SLC39A10: variants seen among roughly 807,000 people sequenced by gnomAD.
The protein encoded by SLC39A10 is solute carrier family 39 member 10.
SLC39A10 carries 13 observed loss-of-function variants against 65.1 expected under a neutral mutation model. The observed-to-expected ratio is 0.20, with a 90% CI of 0.13 to 0.32. SLC39A10 has a LOEUF of 0.32. SLC39A10 is among the 10% of genes least tolerant of loss of function. The pLI is 1.00. For synonymous variants in SLC39A10, 321 were observed against 342.2 expected, an observed-to-expected ratio of 0.94 and a Z score of 0.68; for missense variants, 831 against 1,018.4, an observed-to-expected ratio of 0.82 and a Z score of 2.50.
At chr2:195,625,540 G>C (rs1039176780) in intron 2 of SLC39A10, among the ~76,000 whole-genome samples, 3 of 151,992 alleles carry the variant, frequency 2.0e-5, no homozygotes, top group Admixed American at 6.6e-5. Context: ...GCCTCCCAAA[G>C]TGCTAGGATT....
rs5837477 is a variant in SLC39A10, at chr2:195,737,603, G to GTT, written c.*2573_*2574dup. On this transcript the variant is annotated 3_prime_UTR_variant, in exon 10 of 10. Transcript: ENST00000359634. ...AAAAAGCTGGAAAATATCAAATGCT[G>GTT]TTTTTTTTTTTTCATTGTCAACAGT... 0.023 allele frequency: 3,867 copies of GTT among 167,982 alleles called. 62 individuals are homozygous for GTT. Among genetic ancestry groups the GTT allele is most frequent in the Middle Eastern group, 0.045 (15 of 336 alleles). The allele number at this position is 167,982 out of a possible 1,614,324, so 10.4% of individuals were successfully genotyped here. A position where few individuals can be genotyped will look rare whatever the true frequency, so the allele number is the denominator to read the frequency against.
rs145580867 is a variant in SLC39A10, at chr2:195,663,220, C to T, written c.-12+5939C>T. Among the ~76,000 whole-genome samples, 34 of 152,256 alleles carry T rather than the reference C, an allele frequency of 2.2e-4. No individual in the cohort carries two copies. In the East Asian group the frequency reaches 4.8e-3, roughly 22 times the overall value. ...ATGTCTTCTTTCCCTTCCCCTTTCCCTCCTATCTTCTCACTCCCCTCATAA... is the reference window on the plus strand; with the variant it reads ...ATGTCTTCTTTCCCTTCCCCTTTCCTTCCTATCTTCTCACTCCCCTCATAA... On this transcript the variant is annotated intron_variant, in intron 1 of 9. Transcript: ENST00000359634.
At chr2:195,678,562 GTTT>G (rs61430237) in intron 1 of SLC39A10, among the ~76,000 whole-genome samples, 1 of 128,030 alleles carries the variant, frequency 7.8e-6, no homozygotes, top group Non-Finnish European at 1.7e-5. Context: ...TTTTAGTTAG[GTTT>G]TTTTTTTTTT....
rs13431941 is a variant in SLC39A10, at chr2:195,701,421, C to T, written c.1217-5195C>T. ...TCTGCCATTAGGTCTTTTTCAGGGA[C>T]AGTTTCTGTGATTCTTTTTTTTTTT... On this transcript the variant is annotated intron_variant, in intron 3 of 9. Coordinates refer to ENST00000359634, the MANE Select transcript of SLC39A10 (RefSeq NM_020342.3). Among the ~76,000 whole-genome samples, 418 of 67,484 alleles carry T rather than the reference C, an allele frequency of 6.2e-3. 7 individuals carry two copies. The highest frequency in any genetic ancestry group is 0.024 in the African/African-American group (385 of 15,990). 44.3% of individuals were successfully genotyped at this position (67,484 alleles called of 152,430 possible). A position where few individuals can be genotyped will look rare whatever the true frequency, so the allele number is the denominator to read the frequency against.
In SLC39A10 at chr2:195,681,029, T is replaced by C. The variant is rs150169411; in HGVS notation, c.987T>C (p.Asn329=). The C allele has an allele frequency of 1.3e-3, 2,114 of 1,609,606 alleles. 1 individual carries two copies. Among genetic ancestry groups the C allele is most frequent in the Non-Finnish European group, 1.7e-3 (1,983 of 1,177,044 alleles). The change falls in exon 2 of 10, where the codon AAT becomes AAC. Residue 329 remains asparagine (N), a synonymous_variant. Transcript: ENST00000359634. ...TAATTTCTTTGAGAAAAGATCTAAATGAAGATGACCATCATCATGAAGTAA... is the reference window on the plus strand; with the variant it reads ...TAATTTCTTTGAGAAAAGATCTAAACGAAGATGACCATCATCATGAAGTAA... ...NAIISLRKDL[N]EDDHHHECLN...
At chr2:195,693,332 G>C (rs1328058440) in intron 3 of SLC39A10, among the ~76,000 whole-genome samples, 1 of 152,110 alleles carries the variant, frequency 6.6e-6, no homozygotes, top group African/African-American at 2.4e-5. Context: ...GGTGATACTT[G>C]CTTCATAGAA....
Position 195,706,697 on chromosome 2 carries a change from A to G in SLC39A10, c.1298A>G (p.Gln433Arg). ...LGVILVPIIN[Q>R]GCFKFLLTFL... The stretch of plus-strand genomic sequence containing the variant: ...GTGATCTTGGTTCCTATCATTAACC[A>G]AGGATGCTTCAAATTCCTTCTTACA... The change falls in exon 4 of 10, where the codon CAA (glutamine) becomes CGA (arginine). Residue 433 changes from glutamine to arginine, a missense_variant. Around this residue, in one of 4 missense-constraint regions of SLC39A10, gnomAD observed 35 missense variants for 72.4 expected, o/e 0.48. Coordinates refer to ENST00000359634, the MANE Select transcript of SLC39A10 (RefSeq NM_020342.3). The G allele has an allele frequency of 1.2e-6, 2 of 1,607,388 alleles. No homozygotes were observed. Among genetic ancestry groups the G allele is most frequent in the Non-Finnish European group, 1.7e-6 (2 of 1,176,862 alleles).
intron 6 of SLC39A10, among the ~76,000 whole-genome samples, chr2:195,714,814 G>A (rs545303318): frequency 3.3e-5 from 5 of 152,126 alleles, no homozygotes; most frequent in South Asian, 2.1e-4. Context: ...GTGCAGTGGC[G>A]TGATCTTGGC....
chr2:195,718,422 A>AT lies in SLC39A10; in HGVS notation c.2146+91dup, dbSNP rs1691898700. On this transcript the variant is annotated intron_variant, in intron 8 of 9. Transcript: ENST00000359634. ...ATTCAAATTTCAGAGATGTTCAAGC[A>AT]TAAAAAATGGCTGATGGCAACTATA... is the stretch of plus-strand genomic sequence containing the variant. 3.2e-6 allele frequency: 3 copies of AT among 950,760 alleles called. No individual in the cohort carries two copies. The South Asian group carries it at 4.9e-5, about 15-fold the overall frequency. 58.9% of individuals were successfully genotyped at this position (950,760 alleles called of 1,614,324 possible).
upstream of SLC39A10, chr2:195,656,933 A>G (rs900453879): frequency 3.3e-5 from 5 of 152,248 alleles, no homozygotes; most frequent in Admixed American, 2.6e-4. Context: ...CTTGGAACAA[A>G]ACTAGCGCGG....
At chr2:195,630,142 G>C (rs62203577) in intron 2 of SLC39A10, among the ~76,000 whole-genome samples, 1 of 136,516 alleles carries the variant, frequency 7.3e-6, no homozygotes, top group South Asian at 2.2e-4. Flanking sequence ...TGTATGGTTT[G>C]GGTTTTTTTT....
intron 5 of SLC39A10, among the ~76,000 whole-genome samples, chr2:195,711,016 A>T (rs1559044717): frequency 6.6e-6 from 1 of 152,186 alleles, no homozygotes; most frequent in East Asian, 1.9e-4. Context: ...GGAAAAGATG[A>T]TTAAGGGAAT....
upstream of SLC39A10, among the ~76,000 whole-genome samples, chr2:195,652,803 G>C (rs1383326564): frequency 6.6e-6 from 1 of 152,186 alleles, no homozygotes; most frequent in Non-Finnish European, 1.5e-5. Flanking sequence ...GGCCTGTTAG[G>C]AACGGGGCCA....
rs1692495002 is a variant in SLC39A10, at chr2:195,733,645, C to T, written c.2338-1238C>T. 2.0e-5 allele frequency among the ~76,000 whole-genome samples: 3 copies of T among 152,126 alleles called. No homozygotes were observed. In the South Asian group the frequency reaches 6.2e-4, roughly 32 times the overall value. ...TCCTGGGTTCAAGCAGTTCTCCTGC[C>T]TCAGCCTCCTGAGTAGCTGGGATTA... On this transcript the variant is annotated intron_variant, in intron 9 of 9. Transcript: ENST00000359634.
At chr2:195,661,157 A>G (rs1259182374) in intron 1 of SLC39A10, among the ~76,000 whole-genome samples, 1 of 152,200 alleles carries the variant, frequency 6.6e-6, no homozygotes, top group African/African-American at 2.4e-5. Flanking sequence ...TACTTTACAG[A>G]AAGGATTTTC....
chr2:195,644,978 C>T lies in SLC39A10; in HGVS notation c.-11-35054C>T, dbSNP rs541899158. ...AGGCTGGAGTGCAATGGCGTGATCT[C>T]GGCTCACCGCAACCTCTGCCTCCCA... On this transcript the variant is annotated intron_variant, in intron 2 of 2. Transcript: ENST00000458054. Among the ~76,000 whole-genome samples, 513 of 151,712 alleles carry T rather than the reference C, an allele frequency of 3.4e-3. 2 individuals carry two copies. Among genetic ancestry groups the T allele is most frequent in the African/African-American group, 0.012 (492 of 41,340 alleles).
intron 7 of SLC39A10, 129 bp downstream of exon 7, chr2:195,717,134 C>A: frequency 1.6e-6 from 2 of 1,280,070 alleles, no homozygotes; most frequent in Non-Finnish European, 2.1e-6. Flanking sequence ...CCAAAGGCTA[C>A]AGTTTTGTGT....
At chr2:195,615,360 C>T (rs1389357111) in intron 2 of SLC39A10, among the ~76,000 whole-genome samples, 1 of 152,222 alleles carries the variant, frequency 6.6e-6, no homozygotes, top group East Asian at 1.9e-4. Context: ...CAGGGTCTGG[C>T]TATTGCTGCT....
chr2:195,627,241 A>G (rs1688492393), intron 2 of SLC39A10, among the ~76,000 whole-genome samples: 1 of 152,210 alleles, frequency 6.6e-6, no homozygotes, highest in Non-Finnish European at 1.5e-5. Flanking sequence ...GTAGTTCTAG[A>G]AATCTGCATT....
Sources: gnomAD v4.1 joint callset for allele counts (sites outside exome capture counted in the v4.1 genomes callset) on GRCh38, gnomAD v4.1.1 for gene constraint, gnomAD v4.1.1 regional missense constraint, MANE v1.5 for transcripts, NCBI Gene and HGNC (gene_info 2026-07-23, HGNC 2026-07-21) for gene names.